The following GRID2 variants were observed in gnomAD, a reference collection of about 807,000 sequenced individuals.
GRID2 encodes the protein glutamate ionotropic receptor delta type subunit 2, also known as glutamate receptor ionotropic, delta-2.
In GRID2, 33 loss-of-function variants were observed where a neutral mutation model predicts 114.8. That is an observed-to-expected ratio of 0.29 (90% confidence interval 0.22 to 0.38). GRID2 has a LOEUF of 0.38. Among genes scored for constraint, GRID2 ranks in the 10% least tolerant of loss-of-function variants. GRID2 has a pLI of 1.00. For synonymous variants in GRID2, 505 were observed against 449.9 expected (o/e 1.12, Z -1.55); for missense variants, 1,184 against 1,257.7 (o/e 0.94, Z 0.89).
At chr4:93,092,388 G>C (rs1730866401) in intron 3 of GRID2, among the ~76,000 whole-genome samples, 1 of 152,062 alleles carries the variant, frequency 6.6e-6, no homozygotes, top group African/African-American at 2.4e-5. Flanking sequence ...GCAGTCCTAA[G>C]AAGTGATCAG....
chr4:93,510,157 A>C (rs1729022752), intron 12 of GRID2, among the ~76,000 whole-genome samples: 1 of 152,136 alleles, frequency 6.6e-6, no homozygotes, highest in Non-Finnish European at 1.5e-5. Context: ...TCTCCCCCTG[A>C]AGAAAAATCT....
chr4:92,327,868 A>C (rs547471842), intron 1 of GRID2, among the ~76,000 whole-genome samples: 1 of 152,186 alleles, frequency 6.6e-6, no homozygotes, highest in African/African-American at 2.4e-5. Flanking sequence ...TGATTAAAAT[A>C]ATACATGAAA....
intron 14 of GRID2, among the ~76,000 whole-genome samples, chr4:93,718,328 A>G (rs779780959): frequency 6.6e-6 from 1 of 152,204 alleles, no homozygotes; most frequent in Non-Finnish European, 1.5e-5. Flanking sequence ...CTATCAGAAG[A>G]TTGACATTGC....
intron 10 of GRID2, among the ~76,000 whole-genome samples, chr4:93,430,378 G>A (rs965997155): frequency 2.6e-5 from 4 of 151,922 alleles, no homozygotes; most frequent in Admixed American, 2.0e-4. Flanking sequence ...ACAGAGTTTC[G>A]CCATGTTGGC....
intron 14 of GRID2, among the ~76,000 whole-genome samples, chr4:93,757,881 C>T (rs930484796): frequency 1.2e-4 from 18 of 152,072 alleles, no homozygotes; most frequent in African/African-American, 3.9e-4. Context: ...TGCTTGAATC[C>T]GGGAGACAGA....
intron 8 of GRID2, among the ~76,000 whole-genome samples, chr4:93,311,836 A>G (rs945661992): frequency 6.6e-6 from 1 of 152,200 alleles, no homozygotes; most frequent in Non-Finnish European, 1.5e-5. Flanking sequence ...AGTAACTTCA[A>G]GGTCATTATT....
chr4:93,430,241 C>T (rs539823748), intron 10 of GRID2, among the ~76,000 whole-genome samples: 33 of 152,220 alleles, frequency 2.2e-4, no homozygotes, highest in Admixed American at 3.3e-4. Flanking sequence ...AGTTCAGTGG[C>T]GCAATCTCGG....
intron 1 of GRID2, among the ~76,000 whole-genome samples, chr4:92,509,298 C>T (rs567037758): frequency 6.6e-6 from 1 of 151,960 alleles, no homozygotes; most frequent in African/African-American, 2.4e-5. Context: ...GGGCTCTTGG[C>T]TTATTCTTCT....
intron 2 of GRID2, among the ~76,000 whole-genome samples, chr4:92,820,331 TGAGTA>T (rs1741193652): frequency 6.6e-6 from 1 of 152,262 alleles, no homozygotes; most frequent in South Asian, 2.1e-4. Flanking sequence ...GAACTCGATG[TGAGTA>T]GATCTTAGGG....
chr4:93,374,984 C>T (rs1189858476), intron 8 of GRID2, among the ~76,000 whole-genome samples: 1 of 152,006 alleles, frequency 6.6e-6, no homozygotes, highest in Non-Finnish European at 1.5e-5. Context: ...TCTGCCTTGC[C>T]CCAATACATT....
chr4:93,088,836 A>G (rs1440344067), intron 3 of GRID2, among the ~76,000 whole-genome samples: 2 of 152,118 alleles, frequency 1.3e-5, no homozygotes, highest in African/African-American at 2.4e-5. Context: ...CACAAAAAAC[A>G]TAACTAGGAA....
intron 8 of GRID2, among the ~76,000 whole-genome samples, chr4:93,285,636 T>C (rs1409715065): frequency 6.6e-6 from 1 of 152,020 alleles, no homozygotes; most frequent in African/African-American, 2.4e-5. Context: ...AAAGGGAAAG[T>C]AAGTATAAAC....
At chr4:92,396,322 A>T (rs780925911) in intron 1 of GRID2, among the ~76,000 whole-genome samples, 1 of 151,974 alleles carries the variant, frequency 6.6e-6, no homozygotes, top group Non-Finnish European at 1.5e-5. Context: ...AAGAAAAATG[A>T]GACCCAGAAT....
At chr4:93,385,614 A>T (rs1764241099) in intron 8 of GRID2, among the ~76,000 whole-genome samples, 1 of 152,160 alleles carries the variant, frequency 6.6e-6, no homozygotes, top group African/African-American at 2.4e-5. Flanking sequence ...AGTAGGGGAC[A>T]TAAGTTATTT....
At chr4:92,446,226 C>T (rs1261688105) in intron 1 of GRID2, among the ~76,000 whole-genome samples, 1 of 152,118 alleles carries the variant, frequency 6.6e-6, no homozygotes, top group Non-Finnish European at 1.5e-5. Context: ...GGATTACAGG[C>T]CTGAGCCTCC....
intron 8 of GRID2, among the ~76,000 whole-genome samples, chr4:93,253,185 G>A (rs978828581): frequency 1.3e-5 from 2 of 151,974 alleles, no homozygotes; most frequent in African/African-American, 2.4e-5. Flanking sequence ...GAACCCGGGA[G>A]GTGGAGCTTG....
At chr4:92,712,516 C>T (rs1036077465) in intron 2 of GRID2, among the ~76,000 whole-genome samples, 12 of 151,910 alleles carry the variant, frequency 7.9e-5, no homozygotes, top group South Asian at 2.1e-4. Context: ...CTAATTATAG[C>T]GAAATTCCAG....
chr4:93,603,258 T>C (rs1340583864), intron 13 of GRID2, among the ~76,000 whole-genome samples: 1 of 152,142 alleles, frequency 6.6e-6, no homozygotes, highest in East Asian at 1.9e-4. Context: ...AACAGCCTCA[T>C]TGCTGATATG....
intron 1 of GRID2, among the ~76,000 whole-genome samples, chr4:92,336,604 A>G (rs950418231): frequency 4.6e-5 from 7 of 152,196 alleles, no homozygotes; most frequent in African/African-American, 1.7e-4. Context: ...TTTGAGTAAT[A>G]TTTTAAAAAT....
Sources: allele counts gnomAD v4.1 joint callset (sites outside exome capture counted in the v4.1 genomes callset), GRCh38; gene constraint gnomAD v4.1.1; transcripts MANE v1.5; gene names NCBI Gene and HGNC (gene_info 2026-07-23, HGNC 2026-07-21).